Variants in MYLK3 observed in about 807,000 individuals in gnomAD.
The protein encoded by MYLK3 is myosin light chain kinase 3, also known as MLC kinase.
A neutral mutation model predicts 76.3 loss-of-function variants in MYLK3; 55 were observed. The ratio of observed to expected loss-of-function variants is 0.72; its 90% CI spans 0.58 to 0.90. The LOEUF is 0.90. MYLK3 is among the 40% of genes least tolerant of loss of function. MYLK3 has a pLI of 0.00. For synonymous variants in MYLK3, 416 were observed against 425.4 expected (o/e 0.98, Z 0.27); for missense variants, 973 against 1,053.6 (o/e 0.92, Z 1.06).
chr16:46,719,070 C>G (rs770049376), intron 9 of MYLK3, among the ~76,000 whole-genome samples: 3 of 152,032 alleles, frequency 2.0e-5, no homozygotes, highest in South Asian at 2.1e-4. Flanking sequence ...TGGCTCATAC[C>G]TATAATCCCA....
At chr16:46,710,570 C>G (rs1966672073) in intron 11 of MYLK3, 67 bp downstream of exon 11, 4 of 1,579,222 alleles carry the variant, frequency 2.5e-6, no homozygotes. Context: ...GGTCAGCAGT[C>G]CTGCCCAGCT....
intron 7 of MYLK3, among the ~76,000 whole-genome samples, 175 bp downstream of exon 7, chr16:46,728,849 C>T (rs1022806577): frequency 2.6e-5 from 4 of 152,198 alleles, no homozygotes; most frequent in Non-Finnish European, 5.9e-5. Flanking sequence ...TTGCTTTGTC[C>T]TCCACATTCC....
At chr16:46,737,414 G>C (rs1966873572) in intron 3 of MYLK3, among the ~76,000 whole-genome samples, 1 of 152,140 alleles carries the variant, frequency 6.6e-6, no homozygotes. Context: ...TTCCCCATTA[G>C]GACCACCTGG....
intron 1 of MYLK3, among the ~76,000 whole-genome samples, chr16:46,744,782 T>C (rs1966994862): frequency 6.6e-6 from 1 of 152,154 alleles, no homozygotes; most frequent in South Asian, 2.1e-4. Context: ...GGAGGATTGC[T>C]TGAGCCCAGG....
Position 46,705,870 on chromosome 16 carries a change from C to G in MYLK3, c.*1834G>C, listed in dbSNP as rs1966619217. On this transcript the variant is annotated 3_prime_UTR_variant, in exon 13 of 13. Transcript: ENST00000394809. ...GGTGTAGTAGCGGGCACCTATGGTC[C>G]CAGGTACTCATGATCGCCTGAGCCC... The G allele has an allele frequency of 6.6e-6, 1 of 151,630 alleles. No individual in the cohort carries two copies. The highest frequency in any genetic ancestry group is 2.4e-5 in the African/African-American group (1 of 41,214). 9.4% of individuals were successfully genotyped at this position (151,630 alleles called of 1,614,324 possible).
intron 1 of MYLK3, 100 bp from the exon 2 acceptor site, chr16:46,740,247 A>G: frequency 2.3e-6 from 2 of 871,806 alleles, no homozygotes; most frequent in Admixed American, 3.8e-5. Flanking sequence ...AGATAAGGGC[A>G]TTTAGATTAC....
At chr16:46,743,782 AAG>A (rs922347303) in intron 1 of MYLK3, among the ~76,000 whole-genome samples, 4 of 152,208 alleles carry the variant, frequency 2.6e-5, no homozygotes, top group African/African-American at 4.8e-5. Flanking sequence ...CAAAATAGGA[AAG>A]AGGGGGAAAA....
At chr16:46,729,434 C>G (rs1296544678) in intron 6 of MYLK3, among the ~76,000 whole-genome samples, 160 bp downstream of exon 6, 1 of 152,110 alleles carries the variant, frequency 6.6e-6, no homozygotes, top group African/African-American at 2.4e-5. Context: ...GGGTCTGGAC[C>G]CAGGGCTGTG....
Position 46,748,080 on chromosome 16 carries a change from C to T in MYLK3, c.114G>A (p.Gln38=), listed in dbSNP as rs886653881. The change falls in exon 1 of 13, where the codon CAG becomes CAA. Residue 38 remains glutamine (Q), a synonymous_variant. Transcript: ENST00000394809. This position sits in a 1 kb window ranked among gnomAD's most constrained non-coding sequence, Gnocchi z 4.3. ...KLNMLNEKVD[Q]LLHFQEDVTE... ...TGACATCTTCTTGGAAGTGCAGGAG[C>T]TGGTCCACCTTCTCGTTCAGCATGT... 2 of 1,614,268 alleles carry T rather than the reference C, an allele frequency of 1.2e-6. No homozygotes were observed. The highest frequency in any genetic ancestry group is 1.7e-6 in the Non-Finnish European group (2 of 1,180,044).
At chr16:46,722,609 T>C (rs1178054209) in intron 8 of MYLK3, among the ~76,000 whole-genome samples, 1 of 151,628 alleles carries the variant, frequency 6.6e-6, no homozygotes, top group African/African-American at 2.4e-5. Context: ...TAAAGTTTAC[T>C]AGAATGTACA....
chr16:46,733,485 T>G (rs1966856804), intron 3 of MYLK3, among the ~76,000 whole-genome samples: 1 of 152,184 alleles, frequency 6.6e-6, no homozygotes, highest in Non-Finnish European at 1.5e-5. Context: ...GCTCTCCACT[T>G]CAGCACAGGC....
chr16:46,717,218 G>A (rs1040764369), intron 9 of MYLK3, among the ~76,000 whole-genome samples: 2 of 152,076 alleles, frequency 1.3e-5, no homozygotes, highest in African/African-American at 4.8e-5. Flanking sequence ...AGGGGATGTC[G>A]GAACTGAACT....
At chr16:46,757,515 G>A in intron 1 of MYLK3, 1 of 985,456 alleles carries the variant, frequency 1.0e-6, no homozygotes, top group Non-Finnish European at 1.2e-6. Context: ...CCATCCATCA[G>A]CCACTGTGAC....
chr16:46,750,208 C>T (rs1376341077), upstream of MYLK3, among the ~76,000 whole-genome samples: 2 of 152,202 alleles, frequency 1.3e-5, no homozygotes, highest in African/African-American at 2.4e-5. Flanking sequence ...TGGGAAATGG[C>T]TGCTTAGAGA....
chr16:46,711,116 T>C, intron 10 of MYLK3: 1 of 281,422 alleles, frequency 3.6e-6, no homozygotes, highest in Non-Finnish European at 6.8e-6. Flanking sequence ...TTGATTTAAT[T>C]TTAGAAATAG....
At chr16:46,757,815 G>A (rs1348336499) in intron 1 of MYLK3, among the ~76,000 whole-genome samples, 1 of 152,212 alleles carries the variant, frequency 6.6e-6, no homozygotes, top group Non-Finnish European at 1.5e-5. Flanking sequence ...GGTCCAAGGA[G>A]GGAGGAATGA....
intron 5 of MYLK3, chr16:46,730,025 C>T: frequency 2.2e-6 from 1 of 457,320 alleles, no homozygotes; most frequent in East Asian, 4.4e-5. Flanking sequence ...ACCACCCAGG[C>T]CATCCTGCAC....
rs1966611487 is a variant in MYLK3 at position 46,705,080 on chromosome 16, C to G, written c.*2624G>C. Reference sequence around the variant, plus strand: ...ACAAGGGTTAGCCTTCCAGAGGAAACTTAACAACTTGAGAACTGCAGCAGC... The same window carrying G: ...ACAAGGGTTAGCCTTCCAGAGGAAAGTTAACAACTTGAGAACTGCAGCAGC... On this transcript the variant is annotated 3_prime_UTR_variant, in exon 13 of 13. Coordinates refer to ENST00000394809, the MANE Select transcript of MYLK3 (RefSeq NM_182493.3). The G allele has an allele frequency of 6.6e-6, 1 of 152,204 alleles. No individual in the cohort carries two copies. Among genetic ancestry groups the G allele is most frequent in the South Asian group, 2.1e-4 (1 of 4,834 alleles). 9.4% of individuals were successfully genotyped at this position (152,204 alleles called of 1,614,324 possible).
At chr16:46,730,416 C>T (rs1305507213) in intron 5 of MYLK3, among the ~76,000 whole-genome samples, 177 bp downstream of exon 5, 1 of 152,130 alleles carries the variant, frequency 6.6e-6, no homozygotes, top group African/African-American at 2.4e-5. Context: ...ATTCTCTTTC[C>T]CCTACTCTGT....
Sources: gnomAD v4.1 joint callset for allele counts (sites outside exome capture counted in the v4.1 genomes callset) on GRCh38, gnomAD v4.1.1 for gene constraint, Gnocchi (gnomAD v3.1) non-coding constraint, MANE v1.5 for transcripts, NCBI Gene and HGNC (gene_info 2026-07-23, HGNC 2026-07-21) for gene names.